The following ARMC8 variants were observed in gnomAD, a reference collection of about 807,000 sequenced individuals.
ARMC8 encodes the protein armadillo repeat-containing protein 8.
A neutral mutation model predicts 99.3 loss-of-function variants in ARMC8; 20 were observed. That is an observed-to-expected ratio of 0.20 (90% CI 0.14 to 0.29). The LOEUF is 0.29. Among genes scored for constraint, ARMC8 ranks in the 10% least tolerant of loss-of-function variants. ARMC8 has a pLI of 1.00. For missense variants in ARMC8, 569 were observed against 809.5 expected (o/e 0.70, Z 3.60); for synonymous variants, 263 against 278.3 (o/e 0.95, Z 0.55).
chr3:138,273,563 G>A (rs2048981610), intron 17 of ARMC8, among the ~76,000 whole-genome samples: 1 of 152,150 alleles, frequency 6.6e-6, no homozygotes, highest in South Asian at 2.1e-4. Flanking sequence ...AGATGCCAGT[G>A]TAGAAAGCAG....
Position 138,228,913 on chromosome 3 carries a change from C to G in ARMC8, c.436-5C>G. The G allele has an allele frequency of 6.3e-7, 1 of 1,596,602 alleles. No homozygotes were observed. Among genetic ancestry groups the G allele is most frequent in the African/African-American group, 1.3e-5 (1 of 74,324 alleles). ...GTTTCTTGTTGCTGTGTTCTCCTTC[C>G]CTAGGATGCCACAGTGATACCACAC... On this transcript the variant is annotated splice_region_variant and splice_polypyrimidine_tract_variant and intron_variant, in intron 5 of 21. Transcript: ENST00000469044.
chr3:138,248,480 A>G (rs568991743), intron 12 of ARMC8, among the ~76,000 whole-genome samples: 8 of 152,376 alleles, frequency 5.3e-5, no homozygotes, highest in Admixed American at 3.3e-4. Context: ...ATTAGGAAGC[A>G]GAAGTCCAGT....
At chr3:138,244,442 T>A (rs2046786134) in intron 11 of ARMC8, among the ~76,000 whole-genome samples, 1 of 152,078 alleles carries the variant, frequency 6.6e-6, no homozygotes, top group South Asian at 2.1e-4. Context: ...CACGCCCAGC[T>A]CATTTTTTTG....
rs762109184 is a variant in ARMC8 at position 138,270,061 on chromosome 3, G to A, written c.1408G>A (p.Val470Ile). 3.4e-5 allele frequency: 55 copies of A among 1,613,086 alleles called. No individual in the cohort carries two copies. In the Admixed American group the frequency reaches 5.7e-4, roughly 17 times the overall value. Residue 470 changes from valine to isoleucine, a missense_variant, in exon 16 of 22, where the codon GTA becomes ATA. By Grantham distance (29) the Val-to-Ile change is conservative (BLOSUM62 3). Around this residue, in one of 2 missense-constraint regions of ARMC8, gnomAD observed 227 missense variants for 417.9 expected, o/e 0.54. Coordinates refer to ENST00000469044, the MANE Select transcript of ARMC8 (RefSeq NM_001363941.2). ...GCAGCCAATTTTGGAATCAGGAGCC[G>A]TAGAGCTACTTTGTGGATTAACTCA... Reference protein sequence around the residue: ...SKEPILESGAVELLCGLTQSE... With the variant: ...SKEPILESGAIELLCGLTQSE...
chr3:138,196,597 G>A (rs575659315), intron 1 of ARMC8, among the ~76,000 whole-genome samples: 47 of 152,084 alleles, frequency 3.1e-4, no homozygotes, highest in Non-Finnish European at 5.7e-4. Context: ...AGCCAGGCAC[G>A]GTGATTCACG....
intron 12 of ARMC8, among the ~76,000 whole-genome samples, chr3:138,247,707 T>C (rs1391294235): frequency 6.6e-6 from 1 of 152,192 alleles, no homozygotes; most frequent in Non-Finnish European, 1.5e-5. Context: ...TGTGTCTCTT[T>C]TACTGCTTCT....
intron 1 of ARMC8, among the ~76,000 whole-genome samples, chr3:138,208,258 G>A (rs1287192553): frequency 6.6e-6 from 1 of 152,110 alleles, no homozygotes; most frequent in Admixed American, 6.5e-5. Context: ...ACGAGGTCAG[G>A]GGTTCAAGAC....
rs558523208 is a variant in ARMC8 at position 138,265,560 on chromosome 3, A to G, written c.1299+1348A>G. Among the ~76,000 whole-genome samples the G allele has an allele frequency of 2.6e-5, 4 of 152,338 alleles. No homozygotes were observed. In the East Asian group the frequency reaches 7.7e-4, roughly 29 times the overall value. ...TTAGGTTTAGGAGGCGGGGGCATCA[A>G]TGTGGCAGAAATAGGCAAGAGACCA... On this transcript the variant is annotated intron_variant, in intron 14 of 21. Transcript: ENST00000469044.
intron 21 of ARMC8, among the ~76,000 whole-genome samples, chr3:138,293,255 A>T (rs1460697215): frequency 6.6e-6 from 1 of 152,178 alleles, no homozygotes; most frequent in Non-Finnish European, 1.5e-5. Flanking sequence ...AAAGAAGAAT[A>T]ACTAGGCTGG....
intron 18 of ARMC8, among the ~76,000 whole-genome samples, chr3:138,278,782 A>G (rs1268973715): frequency 6.6e-6 from 1 of 152,050 alleles, no homozygotes; most frequent in Admixed American, 6.6e-5. Flanking sequence ...TCTTGGTCAG[A>G]TTTATTCCTA....
At position 138,255,408 on chromosome 3, in the gene ARMC8, T is replaced by C. The variant is rs2047345530; in HGVS notation, c.1135-8331T>C. ...TAGTAGAGACGGGGTTTCACTGTGT[T>C]AGTCAGGACAGTCTCGATCTCCTGA... On this transcript the variant is annotated intron_variant, in intron 12 of 21. Transcript: ENST00000469044. Among the ~76,000 whole-genome samples, 4 of 152,104 alleles carry C rather than the reference T, an allele frequency of 2.6e-5. No individual in the cohort carries two copies. In the South Asian group the frequency reaches 8.3e-4, roughly 32 times the overall value.
At position 138,296,423 on chromosome 3, in the gene ARMC8, A is replaced by G. The variant is rs1290413832; in HGVS notation, c.*531A>G. 6.6e-6 allele frequency: 1 copy of G among 152,254 alleles called. No individual in the cohort carries two copies. The highest frequency in any genetic ancestry group is 1.5e-5 in the Non-Finnish European group (1 of 68,046). The allele number at this position is 152,254 out of a possible 1,614,324, so 9.4% of individuals were successfully genotyped here. ...ACAGTTTGAATGAAATGTTATTTTA[A>G]AAACAAAACAATTGTTAAGTGTTCC... On this transcript the variant is annotated 3_prime_UTR_variant, in exon 22 of 22. Coordinates refer to ENST00000469044, the MANE Select transcript of ARMC8 (RefSeq NM_001363941.2).
intron 1 of ARMC8, among the ~76,000 whole-genome samples, chr3:138,195,919 A>G (rs2043706892): frequency 6.6e-6 from 1 of 152,128 alleles, no homozygotes; most frequent in Admixed American, 6.6e-5. Flanking sequence ...GAAGAGTTAC[A>G]TTTTCTAGCA....
intron 12 of ARMC8, among the ~76,000 whole-genome samples, chr3:138,256,402 CT>C (rs71146121): frequency 1.9e-3 from 169 of 90,282 alleles, no homozygotes; most frequent in Admixed American, 2.0e-3. Flanking sequence ...TTTCCTCCTT[CT>C]TTTTTTTTTT....
At chr3:138,215,079 G>A (rs1315637924) in intron 2 of ARMC8, among the ~76,000 whole-genome samples, 2 of 152,254 alleles carry the variant, frequency 1.3e-5, no homozygotes, top group South Asian at 2.1e-4. Flanking sequence ...GAATTCGATA[G>A]GATTATCCAG....
intron 1 of ARMC8, among the ~76,000 whole-genome samples, chr3:138,195,809 G>A (rs1208501205): frequency 6.7e-6 from 1 of 149,974 alleles, no homozygotes; most frequent in East Asian, 2.0e-4. Context: ...TTGCAAATAA[G>A]AGCAGTTTTA....
chr3:138,295,614 C>T (rs1560067579), intron 21 of ARMC8, among the ~76,000 whole-genome samples: 1 of 152,200 alleles, frequency 6.6e-6, no homozygotes, highest in Non-Finnish European at 1.5e-5. Context: ...TGAGCTGCAG[C>T]AGGTTTAAGT....
chr3:138,259,898 T>G (rs1344606208), intron 12 of ARMC8, among the ~76,000 whole-genome samples: 4 of 152,232 alleles, frequency 2.6e-5, no homozygotes, highest in Non-Finnish European at 5.9e-5. Context: ...AAAAGATGTC[T>G]TCCTACCTTC....
intron 21 of ARMC8, 80 bp downstream of exon 21, chr3:138,290,719 A>C: frequency 1.1e-6 from 1 of 886,640 alleles, no homozygotes; most frequent in Non-Finnish European, 1.8e-6. Flanking sequence ...TTGGTAATTA[A>C]TGGCCATACT....
Sources: allele counts gnomAD v4.1 joint callset (sites outside exome capture counted in the v4.1 genomes callset), GRCh38; gene constraint gnomAD v4.1.1; regional missense constraint gnomAD v4.1.1; transcripts MANE v1.5; gene names NCBI Gene and HGNC (gene_info 2026-07-23, HGNC 2026-07-21).